PDE4DIP: variants seen among roughly 807,000 people sequenced by gnomAD.
The protein encoded by PDE4DIP is myomegalin.
PDE4DIP carries 59 observed loss-of-function variants against 221.4 expected under a neutral mutation model. That is an observed-to-expected ratio of 0.27 (90% confidence interval 0.22 to 0.33). The LOEUF is 0.33. Ranked by LOEUF, PDE4DIP falls within the 10% of genes least tolerant of loss-of-function variation. PDE4DIP has a pLI of 1.00. For missense variants in PDE4DIP, 1,036 were observed against 2,154.2 expected (o/e 0.48, Z 10.28); for synonymous variants, 404 against 815.9 (o/e 0.50, Z 8.60).
intron 20 of PDE4DIP, among the ~76,000 whole-genome samples, chr1:148,980,908 A>G (rs1553542107): frequency 6.6e-6 from 1 of 152,238 alleles, no homozygotes; most frequent in Admixed American, 6.5e-5. Context: ...GCTCCAGTTT[A>G]TATTTAGTTT....
At chr1:148,917,182 C>T (rs587680315) in intron 1 of PDE4DIP, among the ~76,000 whole-genome samples, 49 of 151,890 alleles carry the variant, frequency 3.2e-4, no homozygotes, top group African/African-American at 1.2e-3. Context: ...TGGGCCACAT[C>T]AACAGAGGCC....
chr1:149,015,450 C>A (rs2070150219), intron 32 of PDE4DIP, among the ~76,000 whole-genome samples: 1 of 151,750 alleles, frequency 6.6e-6, no homozygotes, highest in Admixed American at 6.6e-5. Flanking sequence ...GTTCATAATC[C>A]CTGAAAGAAA....
chr1:148,951,424 G>C (rs1246407792), intron 5 of PDE4DIP, among the ~76,000 whole-genome samples: 1 of 151,692 alleles, frequency 6.6e-6, no homozygotes, highest in Non-Finnish European at 1.5e-5. Flanking sequence ...GGACCCAAGG[G>C]TGGAGGACCT....
In PDE4DIP at chr1:148,989,776, C is replaced by T. The variant is rs1177830937; in HGVS notation, c.2816-2109C>T. On this transcript the variant is annotated intron_variant, in intron 21 of 43. Transcript: ENST00000369354. ...CTGGAAAAACATAAAAGATTGTGATCGCTACTGTTGTACAGGGAAAGATTT... is the reference window on the plus strand; with the variant it reads ...CTGGAAAAACATAAAAGATTGTGATTGCTACTGTTGTACAGGGAAAGATTT... Among the ~76,000 whole-genome samples the T allele has an allele frequency of 2.8e-4, 43 of 152,158 alleles. 1 individual carries two copies. The highest frequency in any genetic ancestry group is 2.0e-4 in the Admixed American group (3 of 15,266).
intron 17 of PDE4DIP, 28 bp from the exon 21 acceptor site, chr1:148,977,909 T>C (rs782096350): frequency 1.2e-6 from 2 of 1,607,868 alleles, no homozygotes; most frequent in Admixed American, 3.4e-5. Context: ...AATGTAAACA[T>C]GGCAGACATT....
chr1:148,934,290 C>G (rs587619721), intron 4 of PDE4DIP, among the ~76,000 whole-genome samples: 1 of 151,996 alleles, frequency 6.6e-6, no homozygotes, highest in South Asian at 2.1e-4. Flanking sequence ...CTAGGTTCCC[C>G]AAGACAGTGT....
chr1:149,023,026 T>C (rs587611174), intron 37 of PDE4DIP, among the ~76,000 whole-genome samples: 172 of 152,398 alleles, frequency 1.1e-3, no homozygotes, highest in African/African-American at 3.7e-3. Flanking sequence ...CATAAAACTT[T>C]GGGCAAAATT....
chr1:148,862,236 C>T (rs1448653548), intron 1 of PDE4DIP, among the ~76,000 whole-genome samples: 1 of 151,314 alleles, frequency 6.6e-6, no homozygotes, highest in Non-Finnish European at 1.5e-5. Flanking sequence ...TTATTGTCTC[C>T]CCTTACTGTA....
chr1:149,024,025 C>T (rs1553623723), intron 37 of PDE4DIP, among the ~76,000 whole-genome samples: 3 of 151,356 alleles, frequency 2.0e-5, no homozygotes, highest in South Asian at 2.1e-4. Flanking sequence ...TCACATGCTA[C>T]CAAAAGACCT....
chr1:148,882,742 A>AT (rs1328809842), intron 3 of PDE4DIP, among the ~76,000 whole-genome samples: 1 of 145,658 alleles, frequency 6.9e-6, no homozygotes. Context: ...CTCAGTAAAA[A>AT]TTTGATGTAT....
At chr1:149,019,770 C>CA (rs1158615835) in intron 35 of PDE4DIP, among the ~76,000 whole-genome samples, 2 of 152,064 alleles carry the variant, frequency 1.3e-5, no homozygotes, top group Non-Finnish European at 2.9e-5. Flanking sequence ...AGTTCAAAAA[C>CA]AAAAAATCTC....
At chr1:148,996,192 C>T (rs1186583448) in intron 22 of PDE4DIP, among the ~76,000 whole-genome samples, 1 of 152,050 alleles carries the variant, frequency 6.6e-6, no homozygotes, top group Admixed American at 6.6e-5. Flanking sequence ...AATGGGTAAA[C>T]TTCATTAAAG....
At position 149,022,096 on chromosome 1, in the gene PDE4DIP, G is replaced by C. The variant is rs587766127; in HGVS notation, c.6085+943G>C. Among the ~76,000 whole-genome samples the C allele has an allele frequency of 2.7e-5, 4 of 149,974 alleles. No individual in the cohort carries two copies. In the South Asian group the frequency reaches 6.5e-4, roughly 24 times the overall value. ...ACAGGCAGCCATTCATGGACATGAG[G>C]GTTTGGGGTTTGGTAGAAACATGTT... is the stretch of plus-strand genomic sequence containing the variant. On this transcript the variant is annotated intron_variant, in intron 37 of 43. Coordinates refer to ENST00000369354, the Ensembl canonical transcript of PDE4DIP.
At chr1:149,009,716 G>A (rs782422130) in exon 30 of PDE4DIP, 6 of 1,614,138 alleles carry the variant, frequency 3.7e-6, no homozygotes, top group Admixed American at 1.7e-5. Context: ...TGATGAACTG[G>A]AAGCCTGCTC....
chr1:148,903,070 TA>T (rs1331157136), intron 1 of PDE4DIP, among the ~76,000 whole-genome samples: 3 of 152,158 alleles, frequency 2.0e-5, no homozygotes, highest in Non-Finnish European at 2.9e-5. Flanking sequence ...CCATATCTAC[TA>T]TTTTTTTATT....
At chr1:149,032,223 C>A (rs2076931330) in exon 44 of PDE4DIP, 3 of 680,056 alleles carry the variant, frequency 4.4e-6, no homozygotes, top group Non-Finnish European at 7.5e-6. Context: ...CCAAGGTCCA[C>A]TTGGCCCAGC....
chr1:149,005,551 A>G (rs1483443256), intron 27 of PDE4DIP, 114 bp downstream of exon 30: 16 of 908,214 alleles, frequency 1.8e-5, no homozygotes, highest in Non-Finnish European at 2.4e-5. Context: ...TCACAGGGAC[A>G]CTGATTTAAA....
intron 1 of PDE4DIP, among the ~76,000 whole-genome samples, chr1:148,857,359 C>T (rs1314427492): frequency 4.2e-4 from 22 of 52,500 alleles, no homozygotes; most frequent in South Asian, 1.6e-3. Context: ...TAGCCCCTTT[C>T]TTTTTTTTTT....
chr1:148,922,721 G>C (rs1267620294), intron 1 of PDE4DIP, among the ~76,000 whole-genome samples: 7 of 149,536 alleles, frequency 4.7e-5, no homozygotes, highest in Non-Finnish European at 8.9e-5. Context: ...CGGAGTAGCT[G>C]GGACTACAGG....
Sources: gnomAD v4.1 joint callset for allele counts (sites outside exome capture counted in the v4.1 genomes callset) on GRCh38, gnomAD v4.1.1 for gene constraint, MANE v1.5 for transcripts, NCBI Gene and HGNC (gene_info 2026-07-23, HGNC 2026-07-21) for gene names.